The following TANC2 variants were observed in gnomAD, a reference collection of about 807,000 sequenced individuals.
The protein encoded by TANC2 is protein TANC2.
A neutral mutation model predicts 210.5 loss-of-function variants in TANC2; 26 were observed. The ratio of observed to expected loss-of-function variants is 0.12; its 90% CI spans 0.09 to 0.17. The LOEUF (loss-of-function observed/expected upper bound fraction) is 0.17. TANC2 is among the 10% of genes least tolerant of loss of function. The pLI, the probability that TANC2 is intolerant of heterozygous loss-of-function variation, is 1.00. For synonymous variants in TANC2, 931 were observed against 967.1 expected, an observed-to-expected ratio of 0.96 and a Z score of 0.69; for missense variants, 2,129 against 2,608.9, an observed-to-expected ratio of 0.82 and a Z score of 4.01.
chr17:63,267,722 C>G (rs534129820), intron 8 of TANC2, 26 bp from the exon 9 acceptor site: 17 of 1,606,510 alleles, frequency 1.1e-5, no homozygotes, highest in Admixed American at 5.1e-5. Flanking sequence ...CTTAAATATT[C>G]TAACTAAACT....
At chr17:63,017,535 G>A (rs1388998698) in intron 2 of TANC2, among the ~76,000 whole-genome samples, 3 of 152,220 alleles carry the variant, frequency 2.0e-5, no homozygotes, top group Admixed American at 1.3e-4. Flanking sequence ...ACAGGGTCGT[G>A]TCCTGAGTGT....
At chr17:63,221,442 CAAA>C (rs755699051) in intron 7 of TANC2, among the ~76,000 whole-genome samples, 7 of 87,502 alleles carry the variant, frequency 8.0e-5, no homozygotes, top group African/African-American at 1.7e-4. Flanking sequence ...GACTCCATCT[CAAA>C]AAAAAAAAAA....
intron 8 of TANC2, among the ~76,000 whole-genome samples, chr17:63,261,020 C>T (rs1475296662): frequency 6.6e-6 from 1 of 151,754 alleles, no homozygotes; most frequent in Non-Finnish European, 1.5e-5. Context: ...TCATTTGAGG[C>T]CAGGGGTTCA....
chr17:63,340,018 G>A (rs1431422189), intron 11 of TANC2, 83 bp from the exon 12 acceptor site: 23 of 986,662 alleles, frequency 2.3e-5, no homozygotes, highest in Non-Finnish European at 3.4e-5. Flanking sequence ...GTGATTTCTA[G>A]TATAATCACT....
chr17:63,238,074 G>A, exon 8 of TANC2: 1 of 1,533,326 alleles, frequency 6.5e-7, no homozygotes, highest in Non-Finnish European at 8.8e-7. Flanking sequence ...AAATTCAGTA[G>A]CAGGTAAGTT....
At chr17:63,338,799 A>G (rs2046123552) in intron 11 of TANC2, 1 of 152,208 alleles carries the variant, frequency 6.6e-6, no homozygotes, top group East Asian at 1.9e-4. Context: ...ATGTAGTAAC[A>G]TTTCCTGTAT....
chr17:63,280,453 C>G (rs532648052), intron 9 of TANC2, among the ~76,000 whole-genome samples: 1 of 152,108 alleles, frequency 6.6e-6, no homozygotes, highest in South Asian at 2.1e-4. Context: ...ATCATATCTT[C>G]TTAATTATTG....
chr17:63,405,027 T>C, intron 19 of TANC2, 95 bp from the exon 20 acceptor site: 2 of 1,322,470 alleles, frequency 1.5e-6, no homozygotes, highest in Non-Finnish European at 2.0e-6. Flanking sequence ...AAAGTAGCAA[T>C]TACATTAATG....
chr17:63,422,444 G>T lies in TANC2; in HGVS notation c.*489G>T, dbSNP rs189946197. Reference sequence around the variant, plus strand: ...AGCCGCAGCGCATTCTCATGCTGTGGCCCCTCCCCAGACCGCCAGCGCCCT... The same window carrying T: ...AGCCGCAGCGCATTCTCATGCTGTGTCCCCTCCCCAGACCGCCAGCGCCCT... On this transcript the variant is annotated 3_prime_UTR_variant, in exon 28 of 28. Coordinates refer to ENST00000689528, the Ensembl canonical transcript of TANC2. 36 of 165,530 alleles carry T rather than the reference G, an allele frequency of 2.2e-4. No individual in the cohort carries two copies. In the East Asian group the frequency reaches 6.3e-3, roughly 29 times the overall value. The allele number at this position is 165,530 out of a possible 1,614,324, so 10.3% of individuals were successfully genotyped here.
intron 1 of TANC2, among the ~76,000 whole-genome samples, chr17:62,987,727 C>T (rs566536193): frequency 1.6e-4 from 25 of 152,294 alleles, no homozygotes; most frequent in Non-Finnish European, 2.8e-4. Flanking sequence ...TACTGTACCC[C>T]AGCACTCTCC....
chr17:63,065,127 T>C (rs1167922679), intron 2 of TANC2, among the ~76,000 whole-genome samples: 1 of 152,206 alleles, frequency 6.6e-6, no homozygotes, highest in Non-Finnish European at 1.5e-5. Context: ...GTTCCACATA[T>C]AAGTGAGACA....
At chr17:63,182,815 A>G in intron 5 of TANC2, 1 of 152,728 alleles carries the variant, frequency 6.5e-6, no homozygotes, top group Non-Finnish European at 1.5e-5. Flanking sequence ...GGGTCAAGAA[A>G]GAGTCGAAGT....
At chr17:63,005,894 GTT>G (rs1391448740) in intron 1 of TANC2, among the ~76,000 whole-genome samples, 25 of 115,720 alleles carry the variant, frequency 2.2e-4, no homozygotes, top group South Asian at 9.6e-4. Context: ...TGGCTGTATA[GTT>G]TGTGTGTGTG....
chr17:63,068,778 T>C (rs923176127), intron 2 of TANC2, among the ~76,000 whole-genome samples: 1 of 147,290 alleles, frequency 6.8e-6, no homozygotes, highest in Admixed American at 6.8e-5. Context: ...AGAGTTAAAA[T>C]GAATTCTAGA....
chr17:63,135,197 G>A (rs1397090387), intron 4 of TANC2, among the ~76,000 whole-genome samples: 1 of 152,180 alleles, frequency 6.6e-6, no homozygotes, highest in Non-Finnish European at 1.5e-5. Context: ...CTGGGCGACA[G>A]AGTGAGACCC....
intron 1 of TANC2, chr17:63,004,548 C>G (rs2033527070): frequency 6.3e-6 from 1 of 159,208 alleles, no homozygotes; most frequent in Non-Finnish European, 1.3e-5. Flanking sequence ...GCCTCTTCCC[C>G]AAAAAGCAAC....
chr17:62,979,255 C>T (rs1032845205), intron 1 of TANC2, among the ~76,000 whole-genome samples: 13 of 152,218 alleles, frequency 8.5e-5, no homozygotes, highest in Middle Eastern at 6.8e-3. Flanking sequence ...CCAATGCTGC[C>T]AGTAATTCCT....
chr17:63,148,659 C>T (rs972077300), intron 4 of TANC2: 1 of 152,174 alleles, frequency 6.6e-6, no homozygotes, highest in African/African-American at 2.4e-5. Flanking sequence ...CAAGTTTGGG[C>T]TTTAGATTGT....
At chr17:63,193,941 G>A (rs764598212) in intron 5 of TANC2, 50 bp from the exon 6 acceptor site, 18 of 1,555,650 alleles carry the variant, frequency 1.2e-5, no homozygotes, top group African/African-American at 1.4e-5. Flanking sequence ...TGCAGAACTA[G>A]ACCATTTTAT....
Sources: allele counts gnomAD v4.1 joint callset (sites outside exome capture counted in the v4.1 genomes callset), GRCh38; gene constraint gnomAD v4.1.1; transcripts MANE v1.5; gene names NCBI Gene and HGNC (gene_info 2026-07-23, HGNC 2026-07-21).